Variants in ITFG1 observed in about 807,000 individuals in gnomAD.
ITFG1 encodes the protein integrin alpha FG-GAP repeat containing 1.
A neutral mutation model predicts 81.8 loss-of-function variants in ITFG1; 34 were observed. The observed-to-expected ratio is 0.42, with a 90% CI of 0.32 to 0.55. ITFG1 has a LOEUF of 0.55. ITFG1 is among the 20% of genes least tolerant of loss of function. The pLI, the probability that ITFG1 is intolerant of heterozygous loss-of-function variation, is 0.17. For synonymous variants in ITFG1, 285 were observed against 270.6 expected (o/e 1.05, Z -0.52); for missense variants, 672 against 755.4 (o/e 0.89, Z 1.29).
At chr16:47,160,153 G>T (rs1596773264) in intron 16 of ITFG1, among the ~76,000 whole-genome samples, 1 of 117,410 alleles carries the variant, frequency 8.5e-6, no homozygotes, top group South Asian at 2.8e-4. Flanking sequence ...TTTTAAAATA[G>T]ATTTTTAACA....
intron 7 of ITFG1, among the ~76,000 whole-genome samples, chr16:47,368,518 T>C (rs1424213340): frequency 2.6e-5 from 3 of 116,986 alleles, no homozygotes; most frequent in African/African-American, 1.0e-4. Flanking sequence ...ACTGAGTCAC[T>C]GTACTCCAGC....
At position 47,459,089 on chromosome 16, in the gene ITFG1, A is replaced by C. The variant is rs745943249; in HGVS notation, c.281+14T>G. 6.9e-7 allele frequency: 1 copy of C among 1,443,762 alleles called. No homozygotes were observed. The highest frequency in any genetic ancestry group is 1.4e-5 in the African/African-American group (1 of 71,542). 89.4% of individuals were successfully genotyped at this position (1,443,762 alleles called of 1,614,324 possible). On this transcript the variant is annotated intron_variant, in intron 2 of 17. Transcript: ENST00000320640. ...TGACTAAAGTTTTATCAAAATAATCATATTTGTACTTACTTGAAAGATACC... is the reference window on the plus strand; with the variant it reads ...TGACTAAAGTTTTATCAAAATAATCCTATTTGTACTTACTTGAAAGATACC...
intron 5 of ITFG1, among the ~76,000 whole-genome samples, chr16:47,450,731 G>GAA (rs945167244): frequency 3.3e-5 from 5 of 151,968 alleles, no homozygotes; most frequent in African/African-American, 1.2e-4. Flanking sequence ...ATCAGATACA[G>GAA]AAAAAAAATT....
chr16:47,459,540 T>C (rs1044236647), intron 1 of ITFG1, among the ~76,000 whole-genome samples: 1 of 152,180 alleles, frequency 6.6e-6, no homozygotes, highest in African/African-American at 2.4e-5. Context: ...AGCAATGCTG[T>C]CCCTTGTAAG....
At chr16:47,390,084 G>A (rs939024145) in intron 6 of ITFG1, among the ~76,000 whole-genome samples, 4 of 152,220 alleles carry the variant, frequency 2.6e-5, no homozygotes, top group East Asian at 1.9e-4. Context: ...CTTCCACGTG[G>A]AAAGAAAAGC....
chr16:47,459,887 T>G (rs1329634165), intron 1 of ITFG1, among the ~76,000 whole-genome samples: 2 of 152,166 alleles, frequency 1.3e-5, no homozygotes, highest in African/African-American at 4.8e-5. Flanking sequence ...TGTAAGAGGT[T>G]CCTGCATCCC....
chr16:47,202,962 A>T (rs1490486952), intron 14 of ITFG1, among the ~76,000 whole-genome samples: 1 of 152,128 alleles, frequency 6.6e-6, no homozygotes, highest in Non-Finnish European at 1.5e-5. Context: ...CAAAAATTAC[A>T]CAGAAGTATC....
At chr16:47,397,005 G>T (rs1348073600) in intron 6 of ITFG1, among the ~76,000 whole-genome samples, 1 of 152,130 alleles carries the variant, frequency 6.6e-6, no homozygotes, top group African/African-American at 2.4e-5. Context: ...CAGTGAACTA[G>T]AAATTGATAG....
intron 10 of ITFG1, among the ~76,000 whole-genome samples, chr16:47,298,773 C>A (rs1967024816): frequency 6.6e-6 from 1 of 152,122 alleles, no homozygotes; most frequent in African/African-American, 2.4e-5. Context: ...GTTTTGGAGG[C>A]TGACCTGGTC....
At chr16:47,375,417 A>G (rs528231526) in intron 7 of ITFG1, among the ~76,000 whole-genome samples, 1 of 152,352 alleles carries the variant, frequency 6.6e-6, no homozygotes, top group African/African-American at 2.4e-5. Context: ...ATTAAAAAAA[A>G]AAAAACCCTA....
chr16:47,184,709 A>C (rs1432061934), intron 14 of ITFG1, among the ~76,000 whole-genome samples: 1 of 152,176 alleles, frequency 6.6e-6, no homozygotes, highest in East Asian at 1.9e-4. Context: ...ACTAGGAAGA[A>C]ACTGCGTCAA....
At chr16:47,237,524 C>T (rs1261672767) in intron 13 of ITFG1, among the ~76,000 whole-genome samples, 3 of 152,198 alleles carry the variant, frequency 2.0e-5, no homozygotes, top group South Asian at 2.1e-4. Context: ...CTGAAACATT[C>T]TATTAGACAG....
At chr16:47,178,060 A>G (rs907946389) in intron 14 of ITFG1, among the ~76,000 whole-genome samples, 1 of 152,262 alleles carries the variant, frequency 6.6e-6, no homozygotes, top group African/African-American at 2.4e-5. Flanking sequence ...ATTTAATTTT[A>G]AAATTTGGAG....
intron 10 of ITFG1, among the ~76,000 whole-genome samples, chr16:47,278,888 GAATACTTAT>G (rs747239706): frequency 1.3e-5 from 2 of 152,150 alleles, no homozygotes; most frequent in Non-Finnish European, 2.9e-5. Flanking sequence ...AAGCAATGGT[GAATACTTAT>G]GAAAGACTTG....
chr16:47,209,755 T>C (rs936542601), intron 14 of ITFG1, among the ~76,000 whole-genome samples: 3 of 152,248 alleles, frequency 2.0e-5, no homozygotes, highest in Non-Finnish European at 2.9e-5. Context: ...TTGTTCTTCA[T>C]TTCTATAACT....
At chr16:47,438,102 G>A (rs1969192914) in intron 5 of ITFG1, among the ~76,000 whole-genome samples, 1 of 152,204 alleles carries the variant, frequency 6.6e-6, no homozygotes, top group Non-Finnish European at 1.5e-5. Flanking sequence ...AGCAGTCTGA[G>A]ATCAAACGGT....
chr16:47,280,044 A>G (rs1475635838), intron 10 of ITFG1, among the ~76,000 whole-genome samples: 2 of 152,102 alleles, frequency 1.3e-5, no homozygotes, highest in Non-Finnish European at 2.9e-5. Context: ...CTACACCAAC[A>G]ATCATGTCAC....
chr16:47,356,691 G>C (rs931143963), intron 8 of ITFG1, among the ~76,000 whole-genome samples: 5 of 152,184 alleles, frequency 3.3e-5, no homozygotes, highest in African/African-American at 9.7e-5. Flanking sequence ...GTTAAGCACA[G>C]AAAAGCTGTG....
chr16:47,353,073 G>C (rs371734908), intron 8 of ITFG1, among the ~76,000 whole-genome samples: 123 of 152,116 alleles, frequency 8.1e-4, no homozygotes, highest in Non-Finnish European at 1.5e-3. Context: ...GTAGGGTGAG[G>C]GGGGAGGGAT....
Sources: allele counts gnomAD v4.1 joint callset (sites outside exome capture counted in the v4.1 genomes callset), GRCh38; gene constraint gnomAD v4.1.1; transcripts MANE v1.5; gene names NCBI Gene and HGNC (gene_info 2026-07-23, HGNC 2026-07-21).